Variants in DOCK10 observed in about 807,000 individuals in gnomAD.
The protein encoded by DOCK10 is dedicator of cytokinesis 10, also known as dedicator of cytokinesis protein 10.
In DOCK10, 145 loss-of-function variants were observed where a neutral mutation model predicts 280.1. The observed-to-expected ratio is 0.52, with a 90% CI of 0.45 to 0.59. The LOEUF is 0.59. Ranked by LOEUF, DOCK10 falls within the 20% of genes least tolerant of loss-of-function variation. DOCK10 has a pLI of 0.00. For synonymous variants in DOCK10, 915 were observed against 942.2 expected, an observed-to-expected ratio of 0.97 and a Z score of 0.53; for missense variants, 2,368 against 2,651.7, an observed-to-expected ratio of 0.89 and a Z score of 2.35.
chr2:224,974,853 C>T (rs373761162), intron 1 of DOCK10, among the ~76,000 whole-genome samples: 8 of 76,480 alleles, frequency 1.0e-4, no homozygotes, highest in South Asian at 4.7e-4. Flanking sequence ...TATACACACA[C>T]GTATATATGA....
chr2:224,925,688 G>T (rs1702009998), intron 2 of DOCK10, among the ~76,000 whole-genome samples: 1 of 152,090 alleles, frequency 6.6e-6, no homozygotes, highest in African/African-American at 2.4e-5. Context: ...GTTGATAGGT[G>T]GTCTTCCTAC....
At chr2:224,929,339 T>A (rs1343292176) in intron 2 of DOCK10, among the ~76,000 whole-genome samples, 1 of 152,232 alleles carries the variant, frequency 6.6e-6, no homozygotes, top group Non-Finnish European at 1.5e-5. Flanking sequence ...CAGTATTCAG[T>A]ATTATACATC....
At chr2:224,936,796 T>C (rs932152250) in intron 1 of DOCK10, among the ~76,000 whole-genome samples, 5 of 152,128 alleles carry the variant, frequency 3.3e-5, no homozygotes, top group African/African-American at 9.7e-5. Context: ...ACAATGAACA[T>C]GTATTGCTTT....
intron 33 of DOCK10, among the ~76,000 whole-genome samples, chr2:224,806,618 T>C (rs1000315828): frequency 2.6e-5 from 4 of 152,174 alleles, no homozygotes; most frequent in African/African-American, 9.7e-5. Context: ...TCTATTTCAT[T>C]ATCTAACAGG....
At chr2:224,876,337 A>G (rs1485365017) in intron 7 of DOCK10, 116 bp from the exon 8 acceptor site, 5 of 927,052 alleles carry the variant, frequency 5.4e-6, no homozygotes, top group Admixed American at 6.2e-5. Context: ...TAGATAACAT[A>G]AAGAAAATTT....
At chr2:224,953,642 C>T (rs558514845) in intron 1 of DOCK10, among the ~76,000 whole-genome samples, 1 of 152,282 alleles carries the variant, frequency 6.6e-6, no homozygotes, top group South Asian at 2.1e-4. Context: ...CCTCGTATTT[C>T]TAAACGTACA....
At chr2:224,909,048 C>A (rs55977947) in intron 3 of DOCK10, among the ~76,000 whole-genome samples, 23,230 of 152,182 alleles carry the variant, frequency 0.15, 2,034 homozygotes, top group Non-Finnish European at 0.2. Context: ...CTGTATTGTT[C>A]TCAATTCTTT....
At chr2:224,806,069 TA>T in intron 34 of DOCK10, 56 bp downstream of exon 34, 2 of 1,014,462 alleles carry the variant, frequency 2.0e-6, no homozygotes, top group South Asian at 3.0e-5. Flanking sequence ...CACAATGATA[TA>T]CAATGTAAAG....
At chr2:224,883,965 T>C (rs960023375) in intron 7 of DOCK10, among the ~76,000 whole-genome samples, 1 of 152,226 alleles carries the variant, frequency 6.6e-6, no homozygotes, top group Non-Finnish European at 1.5e-5. Context: ...TTTAACATTT[T>C]CTGCTCAATG....
At chr2:224,796,937 G>C (rs1261640219) in intron 43 of DOCK10, 27 bp downstream of exon 43, 1 of 1,601,766 alleles carries the variant, frequency 6.2e-7, no homozygotes, top group Admixed American at 1.7e-5. Context: ...TTTAACAACA[G>C]CATTAATGAA....
At chr2:224,852,569 A>T in intron 17 of DOCK10, 127 bp from the exon 18 acceptor site, 1 of 721,230 alleles carries the variant, frequency 1.4e-6, no homozygotes, top group Middle Eastern at 3.4e-4. Context: ...TTTTCTTGTG[A>T]CATTATCCAT....
chr2:225,038,369 C>T (rs376529474), intron 1 of DOCK10, among the ~76,000 whole-genome samples: 1 of 152,080 alleles, frequency 6.6e-6, no homozygotes, highest in Non-Finnish European at 1.5e-5. Flanking sequence ...CTCACGCTCA[C>T]GTAAACATGT....
chr2:224,917,335 G>C (rs1360024079), intron 2 of DOCK10, among the ~76,000 whole-genome samples: 1 of 151,924 alleles, frequency 6.6e-6, no homozygotes, highest in Non-Finnish European at 1.5e-5. Flanking sequence ...CTGAACTCCT[G>C]ACCTCAGGTA....
At chr2:224,964,068 TTA>T (rs1382221792) in intron 1 of DOCK10, among the ~76,000 whole-genome samples, 1 of 151,994 alleles carries the variant, frequency 6.6e-6, no homozygotes, top group African/African-American at 2.4e-5. Flanking sequence ...ATTTAAAACT[TTA>T]TGTTTGAAAG....
At chr2:224,961,001 G>A (rs1324292099) in intron 1 of DOCK10, among the ~76,000 whole-genome samples, 2 of 151,846 alleles carry the variant, frequency 1.3e-5, no homozygotes, top group Non-Finnish European at 2.9e-5. Context: ...GCCTCCCAAA[G>A]TGCTGGGATT....
At chr2:224,823,409 A>G in intron 28 of DOCK10, 92 bp downstream of exon 28, 1 of 1,110,974 alleles carries the variant, frequency 9.0e-7, no homozygotes, top group Non-Finnish European at 1.2e-6. Context: ...ATTTTTCATC[A>G]TACATGAAGA....
chr2:224,957,288 C>CG (rs1553622550), intron 1 of DOCK10, among the ~76,000 whole-genome samples: 4 of 145,816 alleles, frequency 2.7e-5, no homozygotes, highest in Admixed American at 1.4e-4. Context: ...ACTTTCCGCC[C>CG]CCCCCCGGCT....
At chr2:224,890,640 G>A (rs28373258) in intron 4 of DOCK10, among the ~76,000 whole-genome samples, 26,731 of 152,138 alleles carry the variant, frequency 0.18, 3,874 homozygotes, top group African/African-American at 0.41. Flanking sequence ...GTGCAACAAC[G>A]TGGATATCAC....
intron 1 of DOCK10, among the ~76,000 whole-genome samples, chr2:224,953,605 G>T (rs1410089114): frequency 2.0e-5 from 3 of 152,188 alleles, no homozygotes; most frequent in Admixed American, 2.0e-4. Context: ...AGACTTGTCT[G>T]GGGGAGTTTA....
Sources: allele counts gnomAD v4.1 joint callset (sites outside exome capture counted in the v4.1 genomes callset), GRCh38; gene constraint gnomAD v4.1.1; transcripts MANE v1.5; gene names NCBI Gene and HGNC (gene_info 2026-07-23, HGNC 2026-07-21).